Variants in DACH2 observed in about 807,000 individuals in gnomAD.
DACH2 encodes the protein dachshund family transcription factor 2.
In DACH2, 17 loss-of-function variants were observed where a neutral mutation model predicts 35.8. The ratio of observed to expected loss-of-function variants is 0.48; its 90% CI spans 0.33 to 0.71. The LOEUF (loss-of-function observed/expected upper bound fraction) is 0.71. Among genes scored for constraint, DACH2 ranks in the 30% least tolerant of loss-of-function variants. The pLI is 0.02. For synonymous variants in DACH2, 195 were observed against 177.3 expected (o/e 1.10, Z -0.79); for missense variants, 469 against 472.7 (o/e 0.99, Z 0.07).
At chrX:86,775,447 C>T (rs749920565) in intron 7 of DACH2, among the ~76,000 whole-genome samples, 1 of 111,199 alleles carries the variant, frequency 9.0e-6, no homozygotes, top group Non-Finnish European at 1.9e-5. Context: ...ACTGCGCATG[C>T]GAGGGATCTA....
intron 11 of DACH2, among the ~76,000 whole-genome samples, chrX:86,823,642 A>G (rs1407296979): frequency 8.9e-6 from 1 of 111,826 alleles, no homozygotes; most frequent in Non-Finnish European, 1.9e-5. Flanking sequence ...CCCGCCCCCA[A>G]TATTTCAACA....
chrX:86,341,477 G>C (rs963017075), intron 1 of DACH2, among the ~76,000 whole-genome samples: 4 of 112,027 alleles, frequency 3.6e-5, no homozygotes, highest in Admixed American at 2.8e-4. Context: ...ATATATTACT[G>C]TTCATTGACA....
chrX:86,594,794 G>T (rs2039691887), intron 3 of DACH2, among the ~76,000 whole-genome samples: 1 of 111,718 alleles, frequency 9.0e-6, no homozygotes, highest in Non-Finnish European at 1.9e-5. Flanking sequence ...AGAGCCAGTT[G>T]ACTGATGGTC....
At position 86,545,494 on chromosome X, in the gene DACH2, T is replaced by C. The variant is rs1200231942; in HGVS notation, c.640+31103T>C. On this transcript the variant is annotated intron_variant, in intron 3 of 11. Coordinates refer to ENST00000373125, the MANE Select transcript of DACH2 (RefSeq NM_053281.3). Reference sequence around the variant, plus strand: ...AATCTGTATACAAACCCTTGTGATGTGCAGTTTACCTAGATAACAAACATG... The same window carrying C: ...AATCTGTATACAAACCCTTGTGATGCGCAGTTTACCTAGATAACAAACATG... 3.6e-5 allele frequency among the ~76,000 whole-genome samples: 4 copies of C among 112,199 alleles called. No homozygotes were observed. The South Asian group carries it at 1.1e-3, about 31-fold the overall frequency.
chrX:86,799,434 C>A (rs1194470743), intron 7 of DACH2, among the ~76,000 whole-genome samples: 1 of 112,012 alleles, frequency 8.9e-6, no homozygotes, highest in Non-Finnish European at 1.9e-5. Flanking sequence ...TCTGCAGCTC[C>A]AAGGGAGATC....
chrX:86,602,345 A>C lies in DACH2; in HGVS notation c.641-48691A>C, dbSNP rs1277239248. Among the ~76,000 whole-genome samples the C allele has an allele frequency of 7.1e-5, 8 of 112,281 alleles. No individual in the cohort carries two copies. The Admixed American group carries it at 7.5e-4, about 11-fold the overall frequency. On this transcript the variant is annotated intron_variant, in intron 3 of 11. Transcript: ENST00000373125. ...CAGATATTTGTGTGAATATCATTGT[A>C]AGTTGTGGATGAATACCTTGAGTAC...
At chrX:86,323,450 C>T (rs1004013130) in intron 1 of DACH2, among the ~76,000 whole-genome samples, 1 of 112,220 alleles carries the variant, frequency 8.9e-6, no homozygotes, top group East Asian at 2.8e-4. Context: ...AATCCCTTGA[C>T]CTGCATGCCT....
intron 4 of DACH2, among the ~76,000 whole-genome samples, chrX:86,665,441 T>C (rs1311678988): frequency 1.8e-5 from 2 of 111,638 alleles, no homozygotes; most frequent in Non-Finnish European, 3.8e-5. Flanking sequence ...TTAGTGGTAA[T>C]AGAGCCAAGA....
intron 3 of DACH2, among the ~76,000 whole-genome samples, chrX:86,584,499 G>T: frequency 9.1e-6 from 1 of 109,887 alleles, no homozygotes; most frequent in Non-Finnish European, 1.9e-5. Flanking sequence ...GCTTTATTTA[G>T]GTTCATTTTT....
chrX:86,624,060 CAAAAA>C lies in DACH2; in HGVS notation c.641-26958_641-26954del, dbSNP rs34140706. ...GAAACTCCGTCTCAAAAAAACAAAA[CAAAAA>C]AAAAAAAAAAAAAAAAAGTGGCTGT... On this transcript the variant is annotated intron_variant, in intron 3 of 11. Coordinates refer to ENST00000373125, the MANE Select transcript of DACH2 (RefSeq NM_053281.3). Among the ~76,000 whole-genome samples the C allele has an allele frequency of 1.9e-3, 69 of 36,053 alleles. 1 individual carries two copies. Among genetic ancestry groups the C allele is most frequent in the South Asian group, 0.015 (5 of 343 alleles). The allele number at this position is 36,053 out of a possible 115,157, so 31.3% of individuals were successfully genotyped here.
At chrX:86,615,196 G>A (rs1037334898) in intron 3 of DACH2, among the ~76,000 whole-genome samples, 1 of 111,558 alleles carries the variant, frequency 9.0e-6, no homozygotes, top group African/African-American at 3.2e-5. Flanking sequence ...GTTTCATGAA[G>A]GAATTCAACT....
intron 1 of DACH2, among the ~76,000 whole-genome samples, chrX:86,286,476 T>C (rs2034154433): frequency 9.0e-6 from 1 of 110,860 alleles, no homozygotes; most frequent in Non-Finnish European, 1.9e-5. Flanking sequence ...AAGTAAGGAC[T>C]TACTCCGGCC....
intron 6 of DACH2, among the ~76,000 whole-genome samples, chrX:86,732,692 C>A (rs2041545094): frequency 8.9e-6 from 1 of 112,213 alleles, no homozygotes; most frequent in Non-Finnish European, 1.9e-5. Context: ...AGCATGTTAA[C>A]ACATTTAGAG....
chrX:86,731,492 A>G (rs1256924443), intron 6 of DACH2, among the ~76,000 whole-genome samples: 1 of 111,956 alleles, frequency 8.9e-6, no homozygotes, highest in Admixed American at 9.5e-5. Context: ...CAACCAGTTT[A>G]CTTTTCAATA....
chrX:86,472,277 C>T (rs1168958177), intron 2 of DACH2, among the ~76,000 whole-genome samples: 1 of 111,181 alleles, frequency 9.0e-6, no homozygotes, highest in Non-Finnish European at 1.9e-5. Flanking sequence ...AGAGATGTGG[C>T]AATGGAAGTA....
intron 3 of DACH2, among the ~76,000 whole-genome samples, chrX:86,584,345 CTGAT>C (rs1401712676): frequency 3.6e-5 from 4 of 110,554 alleles, no homozygotes; most frequent in Admixed American, 1.9e-4. Context: ...TCTTTTATTT[CTGAT>C]ACCTTTGCCA....
At chrX:86,786,740 C>T (rs758990605) in intron 7 of DACH2, among the ~76,000 whole-genome samples, 1 of 112,046 alleles carries the variant, frequency 8.9e-6, no homozygotes, top group South Asian at 3.7e-4. Flanking sequence ...GAGCCATGAA[C>T]AAATTTAAGA....
chrX:86,360,812 A>C (rs1302697400), intron 1 of DACH2, among the ~76,000 whole-genome samples: 3 of 111,622 alleles, frequency 2.7e-5, no homozygotes, highest in African/African-American at 9.7e-5. Flanking sequence ...TTTTTGCCCT[A>C]ATAGCATTAA....
intron 7 of DACH2, among the ~76,000 whole-genome samples, chrX:86,802,041 T>C (rs1167270140): frequency 8.9e-6 from 1 of 112,175 alleles, no homozygotes; most frequent in African/African-American, 3.2e-5. Flanking sequence ...TAAAATTAGG[T>C]ATCATTTTTG....
Sources: allele counts gnomAD v4.1 joint callset (sites outside exome capture counted in the v4.1 genomes callset), GRCh38; gene constraint gnomAD v4.1.1; transcripts MANE v1.5; gene names NCBI Gene and HGNC (gene_info 2026-07-23, HGNC 2026-07-21).